ANKFN1: variants seen among roughly 807,000 people sequenced by gnomAD.
ANKFN1 encodes the protein ankyrin repeat and fibronectin type III domain containing 1, also known as ankyrin repeat and fibronectin type-III domain-containing protein 1.
A neutral mutation model predicts 108.7 loss-of-function variants in ANKFN1; 74 were observed. That is an observed-to-expected ratio of 0.68 (90% confidence interval 0.56 to 0.83). The LOEUF (loss-of-function observed/expected upper bound fraction) is 0.83, where lower values mean the gene tolerates loss of function less well. Among genes scored for constraint, ANKFN1 ranks in the 40% least tolerant of loss-of-function variants. ANKFN1 has a pLI of 0.00. For synonymous variants in ANKFN1, 547 were observed against 516.2 expected (o/e 1.06, Z -0.81); for missense variants, 1,505 against 1,382.3 (o/e 1.09, Z -1.41).
intron 1 of ANKFN1, chr17:56,206,708 G>C (rs866427836): frequency 1.3e-5 from 2 of 152,136 alleles, no homozygotes; most frequent in African/African-American, 2.4e-5. Flanking sequence ...TGTGCCAAGC[G>C]ATATGAAGAA....
intron 6 of ANKFN1, among the ~76,000 whole-genome samples, chr17:56,361,999 C>A (rs998533279): frequency 6.6e-6 from 1 of 152,074 alleles, no homozygotes; most frequent in Admixed American, 6.6e-5. Context: ...ACAGAACAAC[C>A]CTGGTTGTTC....
At chr17:56,205,276 A>C (rs1334927662) in intron 1 of ANKFN1, among the ~76,000 whole-genome samples, 1 of 152,222 alleles carries the variant, frequency 6.6e-6, no homozygotes, top group Non-Finnish European at 1.5e-5. Flanking sequence ...TTCAGATCAA[A>C]GACATTAGCT....
intron 4 of ANKFN1, among the ~76,000 whole-genome samples, chr17:56,100,777 G>A (rs1213167070): frequency 1.3e-5 from 2 of 152,124 alleles, no homozygotes; most frequent in Non-Finnish European, 2.9e-5. Flanking sequence ...AGTCTATTCT[G>A]TCCCAATTCC....
intron 4 of ANKFN1, among the ~76,000 whole-genome samples, chr17:56,135,109 G>T (rs935339786): frequency 6.6e-6 from 1 of 152,144 alleles, no homozygotes; most frequent in Non-Finnish European, 1.5e-5. Flanking sequence ...TGAGTGGCCT[G>T]CTCAATCTCA....
rs139216447 is a variant in ANKFN1, at chr17:56,178,249, A to G, written c.-71+24719A>G. On this transcript the variant is annotated intron_variant, in intron 1 of 20. Transcript: ENST00000682825. The stretch of plus-strand genomic sequence containing the variant: ...ATCAGTCTGCTTCATGTATCGTATG[A>G]CTTGAGGGCACCAAGAGAATCATAA... Among the ~76,000 whole-genome samples, 491 of 152,296 alleles carry G rather than the reference A, an allele frequency of 3.2e-3. 2 individuals are homozygous for G. The highest frequency in any genetic ancestry group is 0.011 in the African/African-American group (467 of 41,566).
intron 4 of ANKFN1, among the ~76,000 whole-genome samples, chr17:56,329,387 G>A (rs914839226): frequency 2.0e-5 from 3 of 152,114 alleles, no homozygotes; most frequent in Non-Finnish European, 4.4e-5. Flanking sequence ...TCCCCTTCCT[G>A]CTAGTTAATT....
intron 6 of ANKFN1, among the ~76,000 whole-genome samples, chr17:56,359,289 G>T (rs907437642): frequency 1.3e-5 from 2 of 152,186 alleles, no homozygotes; most frequent in African/African-American, 4.8e-5. Flanking sequence ...AAGTCTTCTA[G>T]TAACTTAAAC....
At chr17:56,488,128 A>G (rs1216944888) in intron 18 of ANKFN1, among the ~76,000 whole-genome samples, 1 of 152,216 alleles carries the variant, frequency 6.6e-6, no homozygotes, top group Non-Finnish European at 1.5e-5. Flanking sequence ...TTGACAGCTC[A>G]TGGAGGACTG....
intron 4 of ANKFN1, among the ~76,000 whole-genome samples, chr17:56,126,243 T>C (rs1181234773): frequency 1.3e-5 from 2 of 152,072 alleles, no homozygotes; most frequent in Non-Finnish European, 2.9e-5. Flanking sequence ...TAATTGTCTT[T>C]GGATTTGATT....
chr17:56,135,351 C>T (rs1477144099), intron 4 of ANKFN1, among the ~76,000 whole-genome samples: 1 of 152,078 alleles, frequency 6.6e-6, no homozygotes, highest in Non-Finnish European at 1.5e-5. Flanking sequence ...TTTTCTGCCC[C>T]AAGTCAATAG....
At position 56,229,736 on chromosome 17, in the gene ANKFN1, CTGTT is replaced by C. The variant is rs532068072; in HGVS notation, c.53+1785_53+1788del. 2.0e-3 allele frequency among the ~76,000 whole-genome samples: 274 copies of C among 140,126 alleles called. 1 individual carries two copies. The highest frequency in any genetic ancestry group is 3.0e-3 in the Non-Finnish European group (198 of 65,402). 91.9% of individuals were successfully genotyped at this position (140,126 alleles called of 152,430 possible). A position where few individuals can be genotyped will look rare whatever the true frequency, so the allele number is the denominator to read the frequency against. On this transcript the variant is annotated intron_variant, in intron 3 of 20. Coordinates refer to ENST00000682825, the MANE Select transcript of ANKFN1 (RefSeq NM_001370326.1). ...TTACTTTAGAGGTCTCAGTTTGTGA[CTGTT>C]TGTTTTCTTTTCACATTTTTTTTTT...
At chr17:56,361,802 G>T (rs2046527087) in intron 6 of ANKFN1, among the ~76,000 whole-genome samples, 1 of 152,008 alleles carries the variant, frequency 6.6e-6, no homozygotes, top group South Asian at 2.1e-4. Flanking sequence ...ACTGGCATGA[G>T]CCCCACATTT....
chr17:56,167,314 C>CATAT (rs1486250052), intron 1 of ANKFN1, among the ~76,000 whole-genome samples: 3 of 69,894 alleles, frequency 4.3e-5, no homozygotes, highest in African/African-American at 6.7e-5. Context: ...TACACACACA[C>CATAT]ACACATATAT....
chr17:56,111,640 T>C (rs536285472), intron 4 of ANKFN1, among the ~76,000 whole-genome samples: 1 of 152,186 alleles, frequency 6.6e-6, no homozygotes, highest in South Asian at 2.1e-4. Flanking sequence ...GCATCTTAGG[T>C]GACATCTCCC....
chr17:56,213,102 T>G (rs938352626), intron 2 of ANKFN1, among the ~76,000 whole-genome samples: 1 of 152,196 alleles, frequency 6.6e-6, no homozygotes, highest in Non-Finnish European at 1.5e-5. Context: ...AAGTATCAAC[T>G]TTATTGATAG....
In ANKFN1 at chr17:56,374,642, A is replaced by G. The variant is rs1015332039; in HGVS notation, c.838A>G (p.Ser280Gly). The part of the protein sequence containing the change: ...MPTNVCLMVT[S>G]STSLTVSFQE... ...AACCAATGTCTGTCTCATGGTAACC[A>G]GCAGCACATCACTCACTGTCAGCTT... Residue 280 changes from serine (S) to glycine (G), a missense_variant, in exon 8 of 21, where the codon AGC becomes GGC. Physicochemically the swap from Ser to Gly is moderately conservative, Grantham distance 56 (BLOSUM62 0). Coordinates refer to ENST00000682825, the MANE Select transcript of ANKFN1 (RefSeq NM_001370326.1). 5.0e-6 allele frequency: 8 copies of G among 1,613,900 alleles called. No homozygotes were observed. The South Asian group carries it at 5.5e-5, about 11-fold the overall frequency.
intron 2 of ANKFN1, among the ~76,000 whole-genome samples, chr17:56,227,465 AC>A (rs2143908045): frequency 6.6e-6 from 1 of 152,298 alleles, no homozygotes; most frequent in South Asian, 2.1e-4. Context: ...AGTTGAGAAA[AC>A]CATAATCTTT....
chr17:56,173,763 GA>G (rs1412885460), intron 1 of ANKFN1, among the ~76,000 whole-genome samples: 1 of 152,168 alleles, frequency 6.6e-6, no homozygotes, highest in Non-Finnish European at 1.5e-5. Flanking sequence ...CACCCAGCCA[GA>G]TTTTTGTCCT....
At chr17:56,105,603 T>C (rs1309181738) in intron 4 of ANKFN1, among the ~76,000 whole-genome samples, 1 of 152,064 alleles carries the variant, frequency 6.6e-6, no homozygotes, top group Non-Finnish European at 1.5e-5. Context: ...CATTTATTCA[T>C]TTTTCTCTTC....
Sources: allele counts gnomAD v4.1 joint callset (sites outside exome capture counted in the v4.1 genomes callset), GRCh38; gene constraint gnomAD v4.1.1; transcripts MANE v1.5; gene names NCBI Gene and HGNC (gene_info 2026-07-23, HGNC 2026-07-21).